The following DPP6 variants were observed in gnomAD, a reference collection of about 807,000 sequenced individuals.
The protein encoded by DPP6 is dipeptidyl peptidase like 6, also known as A-type potassium channel modulatory protein DPP6.
Under a neutral mutation model 122.6 loss-of-function variants are expected in DPP6, and 69 were observed. The observed-to-expected ratio is 0.56, with a 90% CI of 0.46 to 0.69. The LOEUF is 0.69. DPP6 is among the 30% of genes least tolerant of loss of function. The pLI is 0.00. For missense variants in DPP6, 928 were observed against 1,116.9 expected (o/e 0.83, Z 2.41); for synonymous variants, 418 against 433.1 (o/e 0.97, Z 0.43).
At chr7:154,119,435 T>A (rs3111995) in intron 1 of DPP6, among the ~76,000 whole-genome samples, 106,902 of 151,046 alleles carry the variant, frequency 0.71, 39,377 homozygotes, top group East Asian at 0.85. Context: ...AAAAAGGAAA[T>A]CTTGACGTGA....
At chr7:154,484,244 G>A (rs749371060) in intron 3 of DPP6, among the ~76,000 whole-genome samples, 34 of 152,134 alleles carry the variant, frequency 2.2e-4, no homozygotes, top group Non-Finnish European at 3.1e-4. Context: ...TCTCCTCACC[G>A]CATCTGTGAC....
intron 3 of DPP6, among the ~76,000 whole-genome samples, chr7:154,494,796 C>T (rs1464007936): frequency 1.3e-5 from 2 of 152,164 alleles, no homozygotes; most frequent in African/African-American, 4.8e-5. Context: ...CAACCAAATG[C>T]ATTCAGTTAA....
At chr7:154,582,532 G>T (rs535698167) in intron 5 of DPP6, among the ~76,000 whole-genome samples, 3 of 152,074 alleles carry the variant, frequency 2.0e-5, no homozygotes, top group Non-Finnish European at 2.9e-5. Flanking sequence ...CTTCCCACAG[G>T]GTCCCTTCCT....
At chr7:154,184,231 A>T (rs373107785) in intron 1 of DPP6, among the ~76,000 whole-genome samples, 1 of 150,888 alleles carries the variant, frequency 6.6e-6, no homozygotes, top group South Asian at 2.1e-4. Context: ...TATGCTCTTT[A>T]ATCTAGGATG....
intron 3 of DPP6, among the ~76,000 whole-genome samples, chr7:154,488,187 A>G (rs1823958713): frequency 6.6e-6 from 1 of 152,180 alleles, no homozygotes; most frequent in Non-Finnish European, 1.5e-5. Flanking sequence ...TTAAGAAAGT[A>G]GACACACGTG....
At chr7:154,406,383 A>C (rs898336728) in intron 1 of DPP6, among the ~76,000 whole-genome samples, 6 of 152,118 alleles carry the variant, frequency 3.9e-5, no homozygotes, top group Non-Finnish European at 7.3e-5. Flanking sequence ...CTGTGAAATC[A>C]ACCTTTGGGA....
intron 1 of DPP6, among the ~76,000 whole-genome samples, chr7:154,142,846 T>G (rs1440469998): frequency 6.5e-5 from 9 of 138,182 alleles, no homozygotes; most frequent in African/African-American, 1.4e-4. Context: ...AAAAACAGAG[T>G]TGTCTCTAAA....
rs369405195 is a variant in DPP6, at chr7:154,724,905, A to G, written c.763-2862A>G. Among the ~76,000 whole-genome samples the G allele has an allele frequency of 3.9e-5, 6 of 152,354 alleles. No homozygotes were observed. In the South Asian group the frequency reaches 6.2e-4, roughly 16 times the overall value. On this transcript the variant is annotated intron_variant, in intron 7 of 25. Coordinates refer to ENST00000377770, the MANE Select transcript of DPP6 (RefSeq NM_130797.4). Reference sequence around the variant, plus strand: ...TAATGCACTGAACTGGACACTTAAAATGGTTAAAATGGCAAATTGTATGTA... The same window carrying G: ...TAATGCACTGAACTGGACACTTAAAGTGGTTAAAATGGCAAATTGTATGTA...
At chr7:154,351,129 G>T (rs980694560) in intron 1 of DPP6, among the ~76,000 whole-genome samples, 1 of 152,214 alleles carries the variant, frequency 6.6e-6, no homozygotes, top group Non-Finnish European at 1.5e-5. Context: ...ATCAGAAAGT[G>T]GGCCAAAGGA....
At chr7:153,766,782 A>G in the DPP6 span, among the ~76,000 whole-genome samples, 3 of 152,204 alleles carry the variant, frequency 2.0e-5, no homozygotes, top group African/African-American at 7.2e-5. Context: ...AATCTGTATC[A>G]TTATAAAAAC....
At chr7:154,083,161 TTAAC>T (rs1804155226) in intron 1 of DPP6, among the ~76,000 whole-genome samples, 2 of 152,040 alleles carry the variant, frequency 1.3e-5, no homozygotes, top group African/African-American at 4.8e-5. Context: ...TGCCTATCGT[TTAAC>T]TGACTAGTTG....
the DPP6 span, among the ~76,000 whole-genome samples, chr7:153,816,831 G>A: frequency 1.9e-3 from 284 of 151,988 alleles, no homozygotes; most frequent in African/African-American, 6.6e-3. Context: ...CACTAAGAGG[G>A]TGATTTGTGG....
chr7:154,299,769 A>T (rs1805782105), intron 1 of DPP6, among the ~76,000 whole-genome samples: 1 of 152,208 alleles, frequency 6.6e-6, no homozygotes, highest in Non-Finnish European at 1.5e-5. Flanking sequence ...GTCTGCACAT[A>T]GTAGGTCCTG....
rs1554477686 is a variant in DPP6 at position 154,821,663 on chromosome 7, T to TACACATATATATATACAC, written c.1666+14575_1666+14592dup. ...ATATATATACACATATATATATATA[T>TACACATATATATATACAC]ACACATATATATATACACACACATA... On this transcript the variant is annotated intron_variant, in intron 16 of 25. Coordinates refer to ENST00000377770, the MANE Select transcript of DPP6 (RefSeq NM_130797.4). This position sits in a 1 kb window ranked among gnomAD's most constrained non-coding sequence, Gnocchi z 4.2. Among the ~76,000 whole-genome samples, 353 of 110,642 alleles carry TACACATATATATATACAC rather than the reference T, an allele frequency of 3.2e-3. 3 individuals are homozygous for TACACATATATATATACAC. Among genetic ancestry groups the TACACATATATATATACAC allele is most frequent in the Non-Finnish European group, 5.1e-3 (286 of 56,210 alleles). 72.6% of individuals were successfully genotyped at this position (110,642 alleles called of 152,430 possible). A position where few individuals can be genotyped will look rare whatever the true frequency, so the allele number is the denominator to read the frequency against.
chr7:154,056,661 C>A lies in DPP6; in HGVS notation c.243+3598C>A, dbSNP rs548112784. 3.9e-5 allele frequency among the ~76,000 whole-genome samples: 6 copies of A among 152,230 alleles called. No homozygotes were observed. In the South Asian group the frequency reaches 1.2e-3, roughly 32 times the overall value. On this transcript the variant is annotated intron_variant, in intron 1 of 25. Coordinates refer to ENST00000377770, the MANE Select transcript of DPP6 (RefSeq NM_130797.4). ...ATTGGTTAAAACTGGGATAGATGGG[C>A]AAATCACCACCCATGATGTCCACCA...
At chr7:154,074,030 T>A (rs1300027300) in intron 1 of DPP6, among the ~76,000 whole-genome samples, 24,884 of 142,120 alleles carry the variant, frequency 0.18, 114 homozygotes, top group Admixed American at 0.23. Context: ...TATGTATGTA[T>A]GTATGTATGT....
At chr7:154,325,414 T>A (rs1808362739) in intron 1 of DPP6, among the ~76,000 whole-genome samples, 1 of 152,226 alleles carries the variant, frequency 6.6e-6, no homozygotes, top group Admixed American at 6.5e-5. Context: ...CAGGCCTTGA[T>A]AATCTTGAGC....
At chr7:153,837,837 A>ATTTTT in the DPP6 span, among the ~76,000 whole-genome samples, 325 of 80,620 alleles carry the variant, frequency 4.0e-3, 35 homozygotes, top group African/African-American at 0.014. Context: ...TGCCTGGTTA[A>ATTTTT]TTTTTTTTTT....
intron 1 of DPP6, among the ~76,000 whole-genome samples, chr7:154,201,153 G>A (rs886239426): frequency 2.0e-5 from 3 of 151,982 alleles, no homozygotes; most frequent in Admixed American, 1.3e-4. Flanking sequence ...TTGAGATGGA[G>A]TTTCCCTCCT....
Sources: allele counts gnomAD v4.1 joint callset (sites outside exome capture counted in the v4.1 genomes callset), GRCh38; gene constraint gnomAD v4.1.1; non-coding constraint Gnocchi (gnomAD v3.1); transcripts MANE v1.5; gene names NCBI Gene and HGNC (gene_info 2026-07-23, HGNC 2026-07-21).